IL1RAPL1: variants seen among roughly 807,000 people sequenced by gnomAD.
IL1RAPL1 encodes interleukin-1 receptor accessory protein-like 1.
In IL1RAPL1, 3 loss-of-function variants were observed where a neutral mutation model predicts 48.4. The observed-to-expected ratio is 0.06, with a 90% confidence interval of 0.03 to 0.16. IL1RAPL1 has a LOEUF of 0.16. Among genes scored for constraint, IL1RAPL1 ranks in the 10% least tolerant of loss-of-function variants. The pLI is 1.00. For synonymous variants in IL1RAPL1, 185 were observed against 187.7 expected, an observed-to-expected ratio of 0.99 and a Z score of 0.12; for missense variants, 349 against 530.6, an observed-to-expected ratio of 0.66 and a Z score of 3.36.
chrX:28,883,355 G>T (rs755861117), intron 2 of IL1RAPL1, among the ~76,000 whole-genome samples: 1 of 112,132 alleles, frequency 8.9e-6, no homozygotes, highest in African/African-American at 3.2e-5. Flanking sequence ...CTGTCCAATA[G>T]AAATTTTTGT....
At chrX:29,017,605 A>G (rs1233936510) in intron 2 of IL1RAPL1, among the ~76,000 whole-genome samples, 3 of 111,745 alleles carry the variant, frequency 2.7e-5, no homozygotes, top group Non-Finnish European at 5.7e-5. Context: ...TTGCAGTTGC[A>G]CTGAAGGTAC....
At chrX:28,737,183 TTTC>T (rs1935844904) in intron 1 of IL1RAPL1, among the ~76,000 whole-genome samples, 3 of 90,804 alleles carry the variant, frequency 3.3e-5, no homozygotes, top group African/African-American at 1.2e-4. Context: ...CCTTCCTTTC[TTTC>T]CTTTCTCTTT....
intron 2 of IL1RAPL1, among the ~76,000 whole-genome samples, chrX:29,008,477 G>A (rs1409553014): frequency 5.4e-5 from 6 of 111,690 alleles, no homozygotes; most frequent in South Asian, 3.7e-4. Context: ...CGCGTGGCCC[G>A]GGCCAGATAA....
intron 3 of IL1RAPL1, among the ~76,000 whole-genome samples, chrX:29,311,607 AT>A (rs768671539): frequency 8.9e-6 from 1 of 112,131 alleles, no homozygotes; most frequent in Admixed American, 9.4e-5. Context: ...CTGAATAACA[AT>A]TTTTTTCATA....
At chrX:28,637,159 C>T (rs1437328271) in intron 1 of IL1RAPL1, among the ~76,000 whole-genome samples, 1 of 111,142 alleles carries the variant, frequency 9.0e-6, no homozygotes, top group East Asian at 2.8e-4. Flanking sequence ...CACCTTTTGC[C>T]ATGTCCCCCA....
At chrX:28,821,522 C>T (rs1936937385) in intron 2 of IL1RAPL1, among the ~76,000 whole-genome samples, 1 of 111,688 alleles carries the variant, frequency 9.0e-6, no homozygotes, top group Admixed American at 9.5e-5. Context: ...TGTCAGTGTA[C>T]ACAGAAATGC....
intron 2 of IL1RAPL1, among the ~76,000 whole-genome samples, chrX:29,152,002 A>T (rs1291875808): frequency 2.7e-5 from 3 of 111,804 alleles, no homozygotes; most frequent in African/African-American, 9.8e-5. Context: ...AGAAATACCC[A>T]AGATTGGTTA....
At chrX:29,081,657 T>C (rs1927846756) in intron 2 of IL1RAPL1, among the ~76,000 whole-genome samples, 1 of 111,948 alleles carries the variant, frequency 8.9e-6, no homozygotes, top group Non-Finnish European at 1.9e-5. Flanking sequence ...GAGGAAATTG[T>C]TAATATTTTT....
chrX:28,952,239 G>A (rs1252174476), intron 2 of IL1RAPL1, among the ~76,000 whole-genome samples: 1 of 110,933 alleles, frequency 9.0e-6, no homozygotes, highest in Non-Finnish European at 1.9e-5. Flanking sequence ...TTTAAAGTAT[G>A]CACTTATTAA....
At chrX:28,612,739 C>T (rs952267259) in intron 1 of IL1RAPL1, among the ~76,000 whole-genome samples, 7 of 111,797 alleles carry the variant, frequency 6.3e-5, no homozygotes, top group Admixed American at 4.8e-4. Flanking sequence ...TGAGCAAAGT[C>T]ATAGAGATGA....
At chrX:28,709,208 T>C (rs1935412058) in intron 1 of IL1RAPL1, among the ~76,000 whole-genome samples, 1 of 112,464 alleles carries the variant, frequency 8.9e-6, no homozygotes. Flanking sequence ...GGGTAATTGA[T>C]GATATCTCAA....
intron 1 of IL1RAPL1, among the ~76,000 whole-genome samples, chrX:28,777,911 A>T (rs1214652290): frequency 9.0e-6 from 1 of 111,575 alleles, no homozygotes; most frequent in Non-Finnish European, 1.9e-5. Flanking sequence ...AATCTATCTC[A>T]CCAGATTAAT....
At chrX:28,843,681 A>G (rs1921434136) in intron 2 of IL1RAPL1, among the ~76,000 whole-genome samples, 1 of 112,248 alleles carries the variant, frequency 8.9e-6, no homozygotes, top group African/African-American at 3.2e-5. Flanking sequence ...ATAGCATGTT[A>G]TACAAATTGA....
At position 29,877,475 on chromosome X, in the gene IL1RAPL1, C is replaced by G. The variant is rs189459737; in HGVS notation, c.779-39989C>G. Among the ~76,000 whole-genome samples, 9 of 111,822 alleles carry G rather than the reference C, an allele frequency of 8.0e-5. No homozygotes were observed. In the East Asian group the frequency reaches 1.4e-3, roughly 17 times the overall value. On this transcript the variant is annotated intron_variant, in intron 6 of 10. Coordinates refer to ENST00000378993, the MANE Select transcript of IL1RAPL1 (RefSeq NM_014271.4). ...AGGGTCAAAATATAAATACAATATA[C>G]AAATAACTACAGCAGTAATGTTTTT...
intron 5 of IL1RAPL1, among the ~76,000 whole-genome samples, chrX:29,563,298 T>A (rs2147794233): frequency 8.9e-6 from 1 of 112,229 alleles, no homozygotes; most frequent in East Asian, 2.8e-4. Context: ...CCAAGTAATT[T>A]AATTTTTGTC....
intron 5 of IL1RAPL1, among the ~76,000 whole-genome samples, chrX:29,443,231 G>GCTCTCTCTCTCTCT (rs376805298): frequency 0.063 from 5,867 of 93,784 alleles, 210 homozygotes; most frequent in East Asian, 0.096. Flanking sequence ...GCTCTCGCTT[G>GCTCTCTCTCTCTCT]CTCTCTCTCT....
At chrX:29,472,916 C>T (rs1934936615) in intron 5 of IL1RAPL1, among the ~76,000 whole-genome samples, 1 of 112,220 alleles carries the variant, frequency 8.9e-6, no homozygotes, top group Admixed American at 9.5e-5. Flanking sequence ...GCCAGCCAGA[C>T]ACACAGCTTC....
intron 3 of IL1RAPL1, among the ~76,000 whole-genome samples, chrX:29,364,072 C>T (rs1215674927): frequency 1.8e-5 from 2 of 112,314 alleles, no homozygotes; most frequent in Non-Finnish European, 3.8e-5. Context: ...ATCATGACTT[C>T]AGAAATATAT....
At chrX:29,736,327 C>A (rs947270523) in intron 6 of IL1RAPL1, among the ~76,000 whole-genome samples, 2 of 112,117 alleles carry the variant, frequency 1.8e-5, no homozygotes, top group Non-Finnish European at 3.8e-5. Context: ...GATTTCAAGA[C>A]CAGCCTGGGC....
Sources: gnomAD v4.1 joint callset for allele counts (sites outside exome capture counted in the v4.1 genomes callset) on GRCh38, gnomAD v4.1.1 for gene constraint, MANE v1.5 for transcripts, NCBI Gene and HGNC (gene_info 2026-07-23, HGNC 2026-07-21) for gene names.